The following TEK variants were observed in gnomAD, a reference collection of about 807,000 sequenced individuals.
TEK encodes angiopoietin-1 receptor.
Under a neutral mutation model 131.8 loss-of-function variants are expected in TEK, and 43 were observed. The ratio of observed to expected loss-of-function variants is 0.33; its 90% CI spans 0.26 to 0.42. TEK has a LOEUF of 0.42. Ranked by LOEUF, TEK falls within the 10% of genes least tolerant of loss-of-function variation. The pLI is 1.00. For synonymous variants in TEK, 580 were observed against 491.6 expected (o/e 1.18, Z -2.38); for missense variants, 1,162 against 1,384.4 (o/e 0.84, Z 2.55).
chr9:27,183,920 CTG>C (rs1824495396), intron 8 of TEK, among the ~76,000 whole-genome samples: 1 of 152,186 alleles, frequency 6.6e-6, no homozygotes, highest in Admixed American at 6.5e-5. Flanking sequence ...ACGTGTCAAT[CTG>C]TGCAAAGCTT....
intron 20 of TEK, among the ~76,000 whole-genome samples, chr9:27,219,469 A>G (rs1825961229): frequency 6.6e-6 from 1 of 152,148 alleles, no homozygotes; most frequent in African/African-American, 2.4e-5. Flanking sequence ...GGATAACATC[A>G]CACACTAGGG....
intron 21 of TEK, among the ~76,000 whole-genome samples, chr9:27,226,125 T>C (rs4878366): frequency 0.35 from 53,607 of 152,120 alleles, 9,698 homozygotes; most frequent in African/African-American, 0.41. Context: ...GCTTTTACAC[T>C]GTTGGTGGGA....
chr9:27,175,863 T>C (rs184636193), intron 6 of TEK, among the ~76,000 whole-genome samples: 1 of 152,060 alleles, frequency 6.6e-6, no homozygotes, highest in Non-Finnish European at 1.5e-5. Context: ...AATTTGTTTG[T>C]GTTCATTGTA....
At chr9:27,183,316 G>A (rs955227690) in intron 7 of TEK, 143 bp from the exon 8 acceptor site, 6 of 865,752 alleles carry the variant, frequency 6.9e-6, no homozygotes, top group Middle Eastern at 7.0e-4. Context: ...CACATCACAG[G>A]TGTCTTATGT....
At chr9:27,133,904 C>A (rs914579379) in intron 1 of TEK, among the ~76,000 whole-genome samples, 1 of 152,192 alleles carries the variant, frequency 6.6e-6, no homozygotes, top group Non-Finnish European at 1.5e-5. Flanking sequence ...AGGATTTGCT[C>A]AGACAAAGAC....
At position 27,197,611 on chromosome 9, in the gene TEK, A is replaced by G; in HGVS notation, c.1909+12A>G. ...GACCCTTAGTGACAGTAAGTAATTC[A>G]TGCTGCTCCAGCCTCATCTGAGCAA... On this transcript the variant is annotated intron_variant, in intron 12 of 22. Transcript: ENST00000380036. 1 of 1,613,710 alleles carries G rather than the reference A, an allele frequency of 6.2e-7. No individual in the cohort carries two copies. The highest frequency in any genetic ancestry group is 8.5e-7 in the Non-Finnish European group (1 of 1,179,900).
At chr9:27,209,006 T>G in intron 15 of TEK, 115 bp from the exon 16 acceptor site, 1 of 730,092 alleles carries the variant, frequency 1.4e-6, no homozygotes, top group Admixed American at 2.0e-5. Context: ...TCTCTTTGGT[T>G]GTATACAGTT....
At chr9:27,120,770 G>T (rs1290416576) in intron 1 of TEK, among the ~76,000 whole-genome samples, 1 of 152,216 alleles carries the variant, frequency 6.6e-6, no homozygotes, top group African/African-American at 2.4e-5. Flanking sequence ...CTTTGAGACT[G>T]CACCTGCTCA....
intron 13 of TEK, among the ~76,000 whole-genome samples, chr9:27,203,824 T>G (rs931922626): frequency 6.6e-6 from 1 of 152,228 alleles, no homozygotes; most frequent in Non-Finnish European, 1.5e-5. Context: ...TTTTGAAAAT[T>G]TATGATTTGG....
chr9:27,223,150 G>C (rs1174251057), intron 21 of TEK, among the ~76,000 whole-genome samples: 1 of 146,056 alleles, frequency 6.8e-6, no homozygotes. Context: ...ACTGCAAAGA[G>C]ACTTAAAGTC....
intron 11 of TEK, among the ~76,000 whole-genome samples, chr9:27,196,698 TG>T (rs1825024229): frequency 6.7e-6 from 1 of 148,472 alleles, no homozygotes; most frequent in Non-Finnish European, 1.5e-5. Context: ...GAAGGCAAAG[TG>T]GGAGCAGGCA....
intron 1 of TEK, among the ~76,000 whole-genome samples, chr9:27,147,130 T>C (rs1364178295): frequency 6.6e-6 from 1 of 152,208 alleles, no homozygotes; most frequent in African/African-American, 2.4e-5. Flanking sequence ...TTATAAGAAA[T>C]TGTTAAACCA....
chr9:27,169,537 C>G lies in TEK; in HGVS notation c.536C>G (p.Pro179Arg). 3 of 1,614,158 alleles carry G rather than the reference C, an allele frequency of 1.9e-6. No homozygotes were observed. The highest frequency in any genetic ancestry group is 2.5e-6 in the Non-Finnish European group (3 of 1,180,008). ...EVPDILEVHL[P>R]HAQPQDAGVY... ...CCTGATATTCTAGAAGTACACCTGCCTCATGCTCAGCCCCAGGATGCTGGA... is the reference window on the plus strand; with the variant it reads ...CCTGATATTCTAGAAGTACACCTGCGTCATGCTCAGCCCCAGGATGCTGGA... Residue 179 changes from proline to arginine, a missense_variant, in exon 4 of 23, where the codon CCT becomes CGT. Physicochemically the swap from Pro to Arg is moderately radical, Grantham distance 103 (BLOSUM62 -2). This residue lies in a region of TEK where 436 missense variants were observed against 539.1 expected (regional missense o/e 0.81). Coordinates refer to ENST00000380036, the MANE Select transcript of TEK (RefSeq NM_000459.5).
chr9:27,227,175 A>G (rs1826370673), intron 21 of TEK, among the ~76,000 whole-genome samples: 1 of 152,198 alleles, frequency 6.6e-6, no homozygotes, highest in Non-Finnish European at 1.5e-5. Flanking sequence ...AAGGTTCCCC[A>G]GAGTCATTTG....
intron 1 of TEK, among the ~76,000 whole-genome samples, chr9:27,133,618 A>C (rs1429387976): frequency 6.6e-6 from 1 of 152,098 alleles, no homozygotes; most frequent in African/African-American, 2.4e-5. Context: ...CTTTCCGTAA[A>C]TCTCCTATTA....
intron 1 of TEK, among the ~76,000 whole-genome samples, chr9:27,142,982 A>G (rs1774390606): frequency 6.6e-6 from 1 of 152,228 alleles, no homozygotes; most frequent in African/African-American, 2.4e-5. Flanking sequence ...AAACACTGCT[A>G]TTGTGAAACA....
intron 1 of TEK, among the ~76,000 whole-genome samples, chr9:27,120,873 C>T (rs969087641): frequency 1.3e-5 from 2 of 152,174 alleles, no homozygotes; most frequent in South Asian, 2.1e-4. Context: ...GATACAGGCA[C>T]CTTGGTACTT....
chr9:27,197,189 A>G (rs991770432), intron 11 of TEK, 126 bp from the exon 12 acceptor site: 7 of 1,000,700 alleles, frequency 7.0e-6, no homozygotes, highest in South Asian at 2.9e-5. Context: ...TCATCAACCA[A>G]TCACCTCCCA....
At chr9:27,222,899 A>AT in intron 21 of TEK, among the ~76,000 whole-genome samples, 2 of 152,208 alleles carry the variant, frequency 1.3e-5, no homozygotes, top group African/African-American at 4.8e-5. Flanking sequence ...AGATACACAT[A>AT]GGCTCAAAAT....
Sources: allele counts gnomAD v4.1 joint callset (sites outside exome capture counted in the v4.1 genomes callset), GRCh38; gene constraint gnomAD v4.1.1; regional missense constraint gnomAD v4.1.1; transcripts MANE v1.5; gene names NCBI Gene and HGNC (gene_info 2026-07-23, HGNC 2026-07-21).